The following MTMR3 variants were observed in gnomAD, a reference collection of about 807,000 sequenced individuals.
MTMR3 encodes the protein myotubularin related protein 3, also known as phosphatidylinositol-3,5-bisphosphate 3-phosphatase MTMR3.
A neutral mutation model predicts 132.4 loss-of-function variants in MTMR3; 32 were observed. The ratio of observed to expected loss-of-function variants is 0.24; its 90% CI spans 0.18 to 0.32. MTMR3 has a LOEUF of 0.32. Ranked by LOEUF, MTMR3 falls within the 10% of genes least tolerant of loss-of-function variation. MTMR3 has a pLI of 1.00. For synonymous variants in MTMR3, 556 were observed against 550.3 expected (o/e 1.01, Z -0.14); for missense variants, 1,216 against 1,489.6 (o/e 0.82, Z 3.02).
At chr22:29,990,815 C>G (rs375975228) in intron 6 of MTMR3, 1 of 152,206 alleles carries the variant, frequency 6.6e-6, no homozygotes, top group South Asian at 2.1e-4. Context: ...AACTCCTGAC[C>G]TCCAGTGATC....
At chr22:29,913,671 G>T (rs2065255685) in intron 1 of MTMR3, among the ~76,000 whole-genome samples, 1 of 151,216 alleles carries the variant, frequency 6.6e-6, no homozygotes, top group Admixed American at 6.6e-5. Context: ...CTAAGTAGTA[G>T]TCCATTGTAT....
intron 1 of MTMR3, among the ~76,000 whole-genome samples, chr22:29,912,112 A>G (rs1441326798): frequency 6.6e-6 from 1 of 152,190 alleles, no homozygotes; most frequent in African/African-American, 2.4e-5. Context: ...TAATTGCTTT[A>G]GGTTTCATGG....
At chr22:29,973,640 C>T (rs2066577703) in intron 3 of MTMR3, among the ~76,000 whole-genome samples, 1 of 151,916 alleles carries the variant, frequency 6.6e-6, no homozygotes, top group African/African-American at 2.4e-5. Context: ...ACTCTTGTTG[C>T]CCAGGCTGGA....
chr22:29,951,548 G>A (rs1406387767), intron 1 of MTMR3, among the ~76,000 whole-genome samples: 1 of 152,182 alleles, frequency 6.6e-6, no homozygotes, highest in Non-Finnish European at 1.5e-5. Flanking sequence ...AAATGTTAGT[G>A]TGTAATTACT....
At chr22:29,916,164 C>T (rs1327401610) in intron 1 of MTMR3, among the ~76,000 whole-genome samples, 7 of 152,124 alleles carry the variant, frequency 4.6e-5, no homozygotes, top group Non-Finnish European at 8.8e-5. Flanking sequence ...CCTTTGCCCT[C>T]GGGCTAGTTG....
At position 30,029,534 on chromosome 22, in the gene MTMR3, T is replaced by C. The variant is rs1288335977; in HGVS notation, c.*3733T>C. On this transcript the variant is annotated 3_prime_UTR_variant, in exon 20 of 20. Coordinates refer to ENST00000401950, the MANE Select transcript of MTMR3 (RefSeq NM_021090.4). Reference sequence around the variant, plus strand: ...CTATTAAAAAACATCAAGATGAGAATTAAAGGCATATCCTGATATACTTGC... The same window carrying C: ...CTATTAAAAAACATCAAGATGAGAACTAAAGGCATATCCTGATATACTTGC... 1 of 152,300 alleles carries C rather than the reference T, an allele frequency of 6.6e-6. No homozygotes were observed. The highest frequency in any genetic ancestry group is 2.1e-4 in the South Asian group (1 of 4,830). The allele number at this position is 152,300 out of a possible 1,614,324, so 9.4% of individuals were successfully genotyped here. A position where few individuals can be genotyped will look rare whatever the true frequency, so the allele number is the denominator to read the frequency against.
At chr22:29,947,974 A>G (rs1240114183) in intron 1 of MTMR3, among the ~76,000 whole-genome samples, 1 of 152,100 alleles carries the variant, frequency 6.6e-6, no homozygotes, top group Admixed American at 6.6e-5. Flanking sequence ...CAGAGCCTGC[A>G]TTGTGGTGTG....
intron 1 of MTMR3, among the ~76,000 whole-genome samples, chr22:29,926,698 G>A (rs989298382): frequency 6.6e-6 from 1 of 152,098 alleles, no homozygotes; most frequent in Non-Finnish European, 1.5e-5. Context: ...TTGGAAAAAT[G>A]TTTATTTAGA....
rs966605656 is a variant in MTMR3, at chr22:30,003,191, T to C, written c.671+198T>C. 2.5e-5 allele frequency: 11 copies of C among 435,198 alleles called. No homozygotes were observed. In the East Asian group the frequency reaches 3.7e-4, roughly 15 times the overall value. 27.0% of individuals were successfully genotyped at this position (435,198 alleles called of 1,614,324 possible). On this transcript the variant is annotated intron_variant, in intron 9 of 19. Transcript: ENST00000401950. Reference sequence around the variant, plus strand: ...GACTGCATTCAGAACACTAGCTGGTTGTTCATTTGAAACAGATAAGAAAGT... The same window carrying C: ...GACTGCATTCAGAACACTAGCTGGTCGTTCATTTGAAACAGATAAGAAAGT...
At chr22:29,954,249 T>C (rs1434968801) in intron 1 of MTMR3, among the ~76,000 whole-genome samples, 2 of 151,734 alleles carry the variant, frequency 1.3e-5, no homozygotes, top group Non-Finnish European at 2.9e-5. Context: ...GGCTGGCTAA[T>C]TAAAAAATTT....
At chr22:29,974,828 G>A (rs1254733263) in intron 3 of MTMR3, among the ~76,000 whole-genome samples, 1 of 152,218 alleles carries the variant, frequency 6.6e-6, no homozygotes, top group Non-Finnish European at 1.5e-5. Flanking sequence ...AAAAGTTAAT[G>A]TGATGCTGAG....
chr22:29,921,670 A>G lies in MTMR3; in HGVS notation c.-137-35366A>G, dbSNP rs879937883. On this transcript the variant is annotated intron_variant, in intron 1 of 19. Coordinates refer to ENST00000401950, the MANE Select transcript of MTMR3 (RefSeq NM_021090.4). The stretch of plus-strand genomic sequence containing the variant: ...AATTGAAACTCTGTACTTACTAAAC[A>G]CTAACTCCCCATTCAATCCTCTTCC... Among the ~76,000 whole-genome samples, 7 of 152,166 alleles carry G rather than the reference A, an allele frequency of 4.6e-5. No homozygotes were observed. The East Asian group carries it at 1.4e-3, about 29-fold the overall frequency.
At chr22:29,902,265 A>T (rs887888712) in intron 1 of MTMR3, among the ~76,000 whole-genome samples, 8 of 152,176 alleles carry the variant, frequency 5.3e-5, no homozygotes, top group African/African-American at 1.9e-4. Flanking sequence ...ACACACACAT[A>T]CTTGTTAAAT....
intron 8 of MTMR3, 47 bp from the exon 9 acceptor site, chr22:30,002,833 C>A: frequency 7.0e-7 from 1 of 1,425,732 alleles, no homozygotes. Context: ...TTTTCTCTCT[C>A]CCTCTCTTAT....
At chr22:29,915,923 A>C (rs534373163) in intron 1 of MTMR3, among the ~76,000 whole-genome samples, 3 of 149,844 alleles carry the variant, frequency 2.0e-5, no homozygotes, top group African/African-American at 7.4e-5. Flanking sequence ...TATTTGTTCT[A>C]TTTTTCTCTG....
intron 5 of MTMR3, chr22:29,988,260 A>G: frequency 3.1e-6 from 1 of 322,740 alleles, no homozygotes; most frequent in Non-Finnish European, 5.7e-6. Flanking sequence ...TGTTGCCTTC[A>G]TGCTATGACA....
intron 15 of MTMR3, 52 bp downstream of exon 15, chr22:30,016,750 G>T: frequency 6.4e-7 from 1 of 1,556,784 alleles, no homozygotes; most frequent in South Asian, 1.2e-5. Flanking sequence ...ATTTGGGGTT[G>T]GTTACATATG....
At chr22:29,899,953 A>G (rs1210341295) in intron 1 of MTMR3, among the ~76,000 whole-genome samples, 2 of 150,978 alleles carry the variant, frequency 1.3e-5, no homozygotes, top group East Asian at 3.9e-4. Flanking sequence ...TAAAGAACGT[A>G]ATCTGCTGAG....
chr22:30,012,259 T>C, intron 12 of MTMR3, 109 bp from the exon 13 acceptor site: 1 of 1,238,544 alleles, frequency 8.1e-7, no homozygotes, highest in South Asian at 1.4e-5. Flanking sequence ...CAGTGTTATA[T>C]TTGGAGAGAG....
Sources: gnomAD v4.1 joint callset for allele counts (sites outside exome capture counted in the v4.1 genomes callset) on GRCh38, gnomAD v4.1.1 for gene constraint, MANE v1.5 for transcripts, NCBI Gene and HGNC (gene_info 2026-07-23, HGNC 2026-07-21) for gene names.